GPR89A: variants seen among roughly 807,000 people sequenced by gnomAD.
The protein encoded by GPR89A is G protein-coupled receptor 89A.
A neutral mutation model predicts 52.0 loss-of-function variants in GPR89A; 16 were observed. The ratio of observed to expected loss-of-function variants is 0.31; its 90% CI spans 0.21 to 0.47. The LOEUF (loss-of-function observed/expected upper bound fraction) is 0.47, where lower values mean the gene tolerates loss of function less well. Ranked by LOEUF, GPR89A falls within the 20% of genes least tolerant of loss-of-function variation. The probability of loss-of-function intolerance (pLI) is 1.00; values close to 1 mark genes in which losing one functional copy is unlikely to be tolerated. For missense variants in GPR89A, 135 were observed against 449.4 expected (o/e 0.30, Z 6.33); for synonymous variants, 55 against 150.9 (o/e 0.36, Z 4.66).
chr1:145,660,241 C>A (rs1344728260), intron 10 of GPR89A, among the ~76,000 whole-genome samples: 1 of 152,124 alleles, frequency 6.6e-6, no homozygotes, highest in South Asian at 2.1e-4. Flanking sequence ...GGAAAACTGG[C>A]TAGCCATATG....
At chr1:145,637,489 T>C (rs1650328299) in intron 7 of GPR89A, among the ~76,000 whole-genome samples, 1 of 152,112 alleles carries the variant, frequency 6.6e-6, no homozygotes, top group Non-Finnish European at 1.5e-5. Flanking sequence ...ATTAACTGCT[T>C]ACTAGTACCA....
At chr1:145,619,485 G>A (rs1327709285) in intron 3 of GPR89A, among the ~76,000 whole-genome samples, 2 of 152,000 alleles carry the variant, frequency 1.3e-5, no homozygotes, top group African/African-American at 4.8e-5. Flanking sequence ...GGTAGTACAC[G>A]TCTGTAGTGC....
intron 7 of GPR89A, among the ~76,000 whole-genome samples, chr1:145,633,808 A>G (rs190251248): frequency 3.4e-5 from 5 of 147,188 alleles, no homozygotes; most frequent in African/African-American, 7.6e-5. Context: ...CATTAAATCT[A>G]TAGATTGCTT....
chr1:145,648,231 T>C (rs2101811482), intron 10 of GPR89A, among the ~76,000 whole-genome samples: 1 of 151,940 alleles, frequency 6.6e-6, no homozygotes, highest in East Asian at 1.9e-4. Context: ...CCTAGTTTGA[T>C]GACTTTCCTA....
chr1:145,654,726 T>C (rs1459810043), intron 10 of GPR89A, among the ~76,000 whole-genome samples: 1 of 151,796 alleles, frequency 6.6e-6, no homozygotes, highest in African/African-American at 2.4e-5. Context: ...GAGAATCTGA[T>C]GATTATGTGT....
intron 7 of GPR89A, among the ~76,000 whole-genome samples, chr1:145,643,418 G>A (rs1315681900): frequency 6.6e-6 from 1 of 151,808 alleles, no homozygotes; most frequent in African/African-American, 2.4e-5. Context: ...CACCTGCCTC[G>A]GCCTCCCAAA....
chr1:145,611,922 C>T (rs1301912939), intron 1 of GPR89A, among the ~76,000 whole-genome samples: 1 of 151,944 alleles, frequency 6.6e-6, no homozygotes, highest in Non-Finnish European at 1.5e-5. Flanking sequence ...ATCCAACTTA[C>T]TTTCTTACAC....
intron 10 of GPR89A, among the ~76,000 whole-genome samples, chr1:145,658,205 A>AT (rs1317569607): frequency 1.3e-5 from 2 of 151,702 alleles, no homozygotes; most frequent in East Asian, 2.0e-4. Context: ...AAAAGTATAT[A>AT]TTTTTTTTCA....
In GPR89A at chr1:145,624,994, A is replaced by G. The variant is rs1315902550; in HGVS notation, c.415+1280A>G. ...AAAAGGATATTGGAATTAATGTTGA[A>G]TGAGCCAGTGTCTATTATAGAATCT... On this transcript the variant is annotated intron_variant, in intron 5 of 13. Transcript: ENST00000313835. Among the ~76,000 whole-genome samples the G allele has an allele frequency of 3.3e-5, 5 of 150,984 alleles. No individual in the cohort carries two copies. The Middle Eastern group carries it at 0.014, about 411-fold the overall frequency.
chr1:145,669,111 C>T (rs1652774454), intron 12 of GPR89A, among the ~76,000 whole-genome samples: 1 of 152,070 alleles, frequency 6.6e-6, no homozygotes, highest in Non-Finnish European at 1.5e-5. Context: ...GATACCAAAG[C>T]CTGAATTCAT....
intron 10 of GPR89A, among the ~76,000 whole-genome samples, chr1:145,660,368 T>A (rs1571541889): frequency 6.6e-6 from 1 of 151,696 alleles, no homozygotes; most frequent in Non-Finnish European, 1.5e-5. Flanking sequence ...AACCTAGGCG[T>A]TACCATTCAG....
chr1:145,629,241 A>G (rs1649731899), intron 5 of GPR89A, among the ~76,000 whole-genome samples: 1 of 152,192 alleles, frequency 6.6e-6, no homozygotes, highest in Non-Finnish European at 1.5e-5. Flanking sequence ...TTTGGATGCT[A>G]CTTTGTTCTA....
At chr1:145,649,231 CAG>C (rs1276194996) in intron 10 of GPR89A, among the ~76,000 whole-genome samples, 2 of 151,670 alleles carry the variant, frequency 1.3e-5, no homozygotes, top group African/African-American at 2.4e-5. Context: ...ACGGTCAAGA[CAG>C]AGAACACATC....
chr1:145,609,733 C>G (rs781800845), intron 1 of GPR89A, among the ~76,000 whole-genome samples: 1 of 152,138 alleles, frequency 6.6e-6, no homozygotes, highest in Non-Finnish European at 1.5e-5. Context: ...TTTTGTATGC[C>G]TTATAATCAT....
At chr1:145,610,463 G>C (rs1480326758) in intron 1 of GPR89A, among the ~76,000 whole-genome samples, 2 of 152,090 alleles carry the variant, frequency 1.3e-5, no homozygotes, top group African/African-American at 4.8e-5. Context: ...GGTGCCTCCA[G>C]ATTTCCACAC....
At chr1:145,617,350 T>C (rs1553687215) in intron 2 of GPR89A, among the ~76,000 whole-genome samples, 1 of 152,184 alleles carries the variant, frequency 6.6e-6, no homozygotes, top group African/African-American at 2.4e-5. Context: ...ATTGCTGTTA[T>C]TCTGTTCTTT....
At chr1:145,626,949 C>A (rs1303927484) in intron 5 of GPR89A, among the ~76,000 whole-genome samples, 125,713 of 126,602 alleles carry the variant, frequency 0.99, 62,423 homozygotes, top group Non-Finnish European at 1. Flanking sequence ...CGAGACTCTA[C>A]AAAAAAAAAA....
At chr1:145,656,374 A>G (rs1416529509) in intron 10 of GPR89A, among the ~76,000 whole-genome samples, 5 of 151,986 alleles carry the variant, frequency 3.3e-5, no homozygotes, top group East Asian at 1.9e-4. Context: ...GGGTGCCACA[A>G]TCACTCATCG....
At chr1:145,660,782 C>T (rs1458610779) in intron 10 of GPR89A, among the ~76,000 whole-genome samples, 3 of 151,646 alleles carry the variant, frequency 2.0e-5, no homozygotes, top group South Asian at 4.2e-4. Flanking sequence ...GTTAGAATGG[C>T]AATCATTAAA....
Sources: gnomAD v4.1 joint callset for allele counts (sites outside exome capture counted in the v4.1 genomes callset) on GRCh38, gnomAD v4.1.1 for gene constraint, MANE v1.5 for transcripts, NCBI Gene and HGNC (gene_info 2026-07-23, HGNC 2026-07-21) for gene names.